STON2: variants seen among roughly 807,000 people sequenced by gnomAD.
The protein encoded by STON2 is stonin 2, also known as stonin-2.
Under a neutral mutation model 65.7 loss-of-function variants are expected in STON2, and 29 were observed. The ratio of observed to expected loss-of-function variants is 0.44; its 90% CI spans 0.33 to 0.60. The LOEUF is 0.60. Ranked by LOEUF, STON2 falls within the 20% of genes least tolerant of loss-of-function variation. STON2 has a pLI of 0.03. For synonymous variants in STON2, 404 were observed against 414.2 expected, an observed-to-expected ratio of 0.98 and a Z score of 0.30; for missense variants, 1,054 against 1,118.1, an observed-to-expected ratio of 0.94 and a Z score of 0.82.
At chr14:81,416,566 G>C (rs542085008) in intron 2 of STON2, among the ~76,000 whole-genome samples, 2 of 152,310 alleles carry the variant, frequency 1.3e-5, no homozygotes, top group Admixed American at 6.5e-5. Context: ...TGCCCACGAA[G>C]AGTGTGTACC....
At chr14:81,427,603 T>C (rs1902043608) in intron 1 of STON2, among the ~76,000 whole-genome samples, 1 of 151,948 alleles carries the variant, frequency 6.6e-6, no homozygotes, top group Non-Finnish European at 1.5e-5. Context: ...CCTATGCCAA[T>C]TAGGTTGATG....
rs994036716 is a variant in STON2 at position 81,267,720 on chromosome 14, C to T, written c.*694G>A. 6 of 985,258 alleles carry T rather than the reference C, an allele frequency of 6.1e-6. No homozygotes were observed. In the African/African-American group the frequency reaches 1.0e-4, roughly 17 times the overall value. The allele number at this position is 985,258 out of a possible 1,614,324, so 61.0% of individuals were successfully genotyped here. On this transcript the variant is annotated 3_prime_UTR_variant, in exon 8 of 8. Transcript: ENST00000614646. ...ATTTTGCAGAATGTGGGTCCATTCA[C>T]AAAATTAAAAAGTCTCCTATTGTGC...
chr14:81,369,795 T>A (rs1188863868), intron 4 of STON2, among the ~76,000 whole-genome samples: 1 of 151,946 alleles, frequency 6.6e-6, no homozygotes, highest in Non-Finnish European at 1.5e-5. Context: ...CCCAGAGCAA[T>A]GAAAAGTGAA....
Position 81,277,058 on chromosome 14 carries a change from C to G in STON2, c.2424G>C (p.Lys808Asn). ...CCCGGTTCACTTTGGCTTTCAAAGACTTTTCCCCCAGGACACTTTCCCTGC... is the reference window on the plus strand; with the variant it reads ...CCCGGTTCACTTTGGCTTTCAAAGAGTTTTCCCCCAGGACACTTTCCCTGC... Reference protein sequence around the residue: ...NFRRESVLGEKSLKAKVNRGA... With the variant: ...NFRRESVLGENSLKAKVNRGA... The change falls in exon 6 of 8, where the codon AAG becomes AAC. Residue 808 changes from lysine (K) to asparagine (N), a missense_variant. Lys to Asn is a moderately conservative substitution (Grantham distance 94, BLOSUM62 0). Transcript: ENST00000614646. 9 of 1,614,236 alleles carry G rather than the reference C, an allele frequency of 5.6e-6. No individual in the cohort carries two copies. Among genetic ancestry groups the G allele is most frequent in the Non-Finnish European group, 6.8e-6 (8 of 1,180,052 alleles).
chr14:81,315,679 A>T (rs1896592942), intron 5 of STON2, among the ~76,000 whole-genome samples: 2 of 152,120 alleles, frequency 1.3e-5, no homozygotes, highest in African/African-American at 4.8e-5. Flanking sequence ...AGAATCCCAA[A>T]TTTTTCTTAT....
chr14:81,342,476 A>G (rs1366077236), intron 4 of STON2, among the ~76,000 whole-genome samples: 3 of 152,102 alleles, frequency 2.0e-5, no homozygotes, highest in African/African-American at 7.2e-5. Flanking sequence ...GGAGCTCCAC[A>G]CAGAAATGTC....
At chr14:81,396,549 G>C (rs1183864324) in intron 2 of STON2, among the ~76,000 whole-genome samples, 1 of 152,114 alleles carries the variant, frequency 6.6e-6, no homozygotes, top group East Asian at 1.9e-4. Context: ...GGACTGGTGG[G>C]GACTGTGGCT....
chr14:81,392,562 A>G (rs912619542), intron 3 of STON2, among the ~76,000 whole-genome samples: 2 of 152,196 alleles, frequency 1.3e-5, no homozygotes, highest in African/African-American at 4.8e-5. Context: ...CATAGTCATG[A>G]AAGTGTTAAT....
chr14:81,264,171 T>C lies in STON2; in HGVS notation c.*4243A>G, dbSNP rs1894270595. ...ATGGACAGCATCTATGCTACTATGC[T>C]TTGGGGCACAAAAATGTTTTTCAAT... is the stretch of plus-strand genomic sequence containing the variant. On this transcript the variant is annotated 3_prime_UTR_variant, in exon 8 of 8. Transcript: ENST00000614646. 1 of 985,308 alleles carries C rather than the reference T, an allele frequency of 1.0e-6. No homozygotes were observed. Among genetic ancestry groups the C allele is most frequent in the Non-Finnish European group, 1.2e-6 (1 of 829,938 alleles). The allele number at this position is 985,308 out of a possible 1,614,324, so 61.0% of individuals were successfully genotyped here. A position where few individuals can be genotyped will look rare whatever the true frequency, so the allele number is the denominator to read the frequency against.
At position 81,372,577 on chromosome 14, in the gene STON2, G is replaced by C. The variant is rs3742547; in HGVS notation, c.374-1392C>G. 1.2e-3 allele frequency among the ~76,000 whole-genome samples: 177 copies of C among 146,216 alleles called. 1 individual carries two copies. The highest frequency in any genetic ancestry group is 1.7e-3 in the African/African-American group (68 of 39,700). On this transcript the variant is annotated intron_variant, in intron 3 of 7. Coordinates refer to ENST00000614646, the MANE Select transcript of STON2 (RefSeq NM_001394390.1). ...AAAAAAAAAAAAAAAAGAAGAAGAA[G>C]AATCATATCATTGCAAATTTACCAA...
chr14:81,372,115 C>T lies in STON2; in HGVS notation c.374-930G>A, dbSNP rs192020903. ...AAATGTACAAAACTTGGCTTTATCT[C>T]CTTAGTCTTGAGAACCAAATCAGAC... is the stretch of plus-strand genomic sequence containing the variant. On this transcript the variant is annotated intron_variant, in intron 3 of 7. Transcript: ENST00000614646. Among the ~76,000 whole-genome samples, 763 of 152,252 alleles carry T rather than the reference C, an allele frequency of 5.0e-3. 1 individual carries two copies. Among genetic ancestry groups the T allele is most frequent in the Middle Eastern group, 0.01 (3 of 294 alleles).
intron 4 of STON2, among the ~76,000 whole-genome samples, chr14:81,334,813 T>G (rs1897315351): frequency 6.6e-6 from 1 of 152,122 alleles, no homozygotes; most frequent in African/African-American, 2.4e-5. Flanking sequence ...TGGCTGCTCT[T>G]TGGACCAATG....
chr14:81,372,155 T>G (rs904397645), intron 3 of STON2, among the ~76,000 whole-genome samples: 2 of 152,198 alleles, frequency 1.3e-5, no homozygotes, highest in African/African-American at 2.4e-5. Flanking sequence ...AAAACTACTT[T>G]AGAAAGGTTT....
Position 81,278,037 on chromosome 14 carries a change from C to T in STON2, c.1445G>A (p.Arg482His), listed in dbSNP as rs3813536. ...HPPGSARSQP[R>H]DGWPMMLRIP... Reference sequence around the variant, plus strand: ...CCTCAACATCATTGGCCACCCGTCACGAGGCTGGGACCGTGCTGATCCAGG... The same window carrying T: ...CCTCAACATCATTGGCCACCCGTCATGAGGCTGGGACCGTGCTGATCCAGG... The change falls in exon 6 of 8, where the codon CGT becomes CAT. Residue 482 changes from arginine to histidine, a missense_variant. Arg to His is a conservative substitution (Grantham distance 29). Transcript: ENST00000614646. 4.0e-4 allele frequency: 638 copies of T among 1,614,208 alleles called. 7 individuals are homozygous for T. The East Asian group carries it at 0.012, about 30-fold the overall frequency.
chr14:81,311,846 T>C (rs1452065657), intron 5 of STON2, among the ~76,000 whole-genome samples: 1 of 152,248 alleles, frequency 6.6e-6, no homozygotes, highest in African/African-American at 2.4e-5. Context: ...TTCATACATA[T>C]TACTTCTGTT....
intron 5 of STON2, among the ~76,000 whole-genome samples, chr14:81,318,586 C>T (rs1048549719): frequency 6.6e-6 from 1 of 152,170 alleles, no homozygotes; most frequent in Non-Finnish European, 1.5e-5. Context: ...CCTGGTAGCT[C>T]ACGTTTGTAA....
At chr14:81,352,825 T>A (rs1374945746) in intron 4 of STON2, among the ~76,000 whole-genome samples, 1 of 152,194 alleles carries the variant, frequency 6.6e-6, no homozygotes, top group Non-Finnish European at 1.5e-5. Flanking sequence ...AGTTTTTTAT[T>A]AAGAGCTTCC....
chr14:81,306,220 CTTTTTTTTTTTTTT>C (rs59730707), intron 5 of STON2, among the ~76,000 whole-genome samples: 6 of 69,488 alleles, frequency 8.6e-5, no homozygotes, highest in African/African-American at 6.0e-5. Flanking sequence ...CATACATACT[CTTTTTTTTTTTTTT>C]TTTTTTTTTT....
chr14:81,329,151 G>C (rs1897109713), intron 4 of STON2, among the ~76,000 whole-genome samples: 1 of 152,078 alleles, frequency 6.6e-6, no homozygotes, highest in African/African-American at 2.4e-5. Flanking sequence ...TCCAGTCACT[G>C]GTGTCGTTAT....
Sources: gnomAD v4.1 joint callset for allele counts (sites outside exome capture counted in the v4.1 genomes callset) on GRCh38, gnomAD v4.1.1 for gene constraint, MANE v1.5 for transcripts, NCBI Gene and HGNC (gene_info 2026-07-23, HGNC 2026-07-21) for gene names.